TEKTIP1: variants seen among roughly 807,000 people sequenced by gnomAD.
The protein encoded by TEKTIP1 is tektin bundle-interacting protein 1.
chr19:3,541,184 AAATC>A, the TEKTIP1 span, among the ~76,000 whole-genome samples: 1 of 149,544 alleles, frequency 6.7e-6, no homozygotes, highest in East Asian at 2.0e-4. Context: ...AAAAAAAAAA[AAATC>A]AACCAGGCAT....
the TEKTIP1 span, chr19:3,541,749 A>G: frequency 5.1e-6 from 5 of 985,392 alleles, no homozygotes; most frequent in South Asian, 2.3e-4. Flanking sequence ...AGTGAGTGGC[A>G]GGTGGGTACG....
the TEKTIP1 span, among the ~76,000 whole-genome samples, chr19:3,540,317 G>A: frequency 4.0e-5 from 6 of 151,552 alleles, no homozygotes; most frequent in Non-Finnish European, 5.9e-5. Context: ...GAACGCAATG[G>A]TGCAATCTTG....
At chr19:3,543,242 T>C in the TEKTIP1 span, 2 of 1,544,346 alleles carry the variant, frequency 1.3e-6, no homozygotes, top group Non-Finnish European at 1.7e-6. Flanking sequence ...CAGCGATGAC[T>C]ACCTGTCCCT....
the TEKTIP1 span, chr19:3,543,664 C>G: frequency 8.4e-6 from 13 of 1,540,808 alleles, no homozygotes; most frequent in African/African-American, 2.7e-5. Context: ...ACAGGCCAAT[C>G]CGGGGCAAGG....
At chr19:3,539,591 G>A in the TEKTIP1 span, 2 of 322,820 alleles carry the variant, frequency 6.2e-6, no homozygotes, top group Non-Finnish European at 1.2e-5. Flanking sequence ...GGCTGAGAGA[G>A]TCTGTCCCAC....
chr19:3,542,469 G>A, the TEKTIP1 span: 1 of 985,164 alleles, frequency 1.0e-6, no homozygotes, highest in Non-Finnish European at 1.2e-6. Flanking sequence ...AAACATCTTT[G>A]AGTCTCTTGT....
chr19:3,539,576 T>C, the TEKTIP1 span: 5 of 351,924 alleles, frequency 1.4e-5, no homozygotes, highest in East Asian at 2.3e-4. Flanking sequence ...GCTGGGCCCT[T>C]CTGTGGCTGA....
the TEKTIP1 span, chr19:3,541,509 G>C: frequency 4.6e-6 from 1 of 217,486 alleles, no homozygotes; most frequent in Non-Finnish European, 7.8e-6. Context: ...TTTTAGTAGA[G>C]ACAGTGTTTC....
At chr19:3,542,758 C>G in the TEKTIP1 span, 2 of 1,352,794 alleles carry the variant, frequency 1.5e-6, no homozygotes, top group South Asian at 1.2e-5. Flanking sequence ...GCTGGGTTTA[C>G]AAGCGTGAGC....
chr19:3,543,796 G>C, the TEKTIP1 span: 1 of 1,499,602 alleles, frequency 6.7e-7, no homozygotes, highest in Non-Finnish European at 9.0e-7. Flanking sequence ...GCGAGGAGGT[G>C]GGGGCACATG....
At chr19:3,543,219 C>T in the TEKTIP1 span, 3 of 1,539,314 alleles carry the variant, frequency 1.9e-6, no homozygotes, top group Non-Finnish European at 1.7e-6. Flanking sequence ...AGTCTCTGCC[C>T]CCTGCCCACC....
the TEKTIP1 span, chr19:3,544,006 G>A: frequency 4.0e-5 from 62 of 1,537,592 alleles, no homozygotes; most frequent in Middle Eastern, 6.8e-4. Context: ...CCCACTCCCC[G>A]ATAAAGGCAT....
At chr19:3,543,248 TC>T in the TEKTIP1 span, 1 of 1,545,560 alleles carries the variant, frequency 6.5e-7, no homozygotes, top group Non-Finnish European at 8.7e-7. Context: ...TGACTACCTG[TC>T]CCTGGAGGGT....
At chr19:3,542,602 T>A in the TEKTIP1 span, 100 of 735,552 alleles carry the variant, frequency 1.4e-4, no homozygotes, top group African/African-American at 1.7e-3. Context: ...GCCTCCTGAG[T>A]AGCTGGGATT....
At chr19:3,539,897 C>G in the TEKTIP1 span, 9 of 152,168 alleles carry the variant, frequency 5.9e-5, no homozygotes, top group Admixed American at 5.9e-4. Context: ...TTATGGAATA[C>G]TATGCAGCCA....
At chr19:3,542,620 C>A in the TEKTIP1 span, 7 of 753,898 alleles carry the variant, frequency 9.3e-6, no homozygotes, top group Non-Finnish European at 1.1e-5. Context: ...ATTACAGGTG[C>A]CCCCCGCCCC....
At chr19:3,541,834 A>G in the TEKTIP1 span, 1 of 971,558 alleles carries the variant, frequency 1.0e-6, no homozygotes, top group Non-Finnish European at 1.2e-6. Context: ...GTTGAGACAG[A>G]GTCTCGCTCT....
At chr19:3,539,560 T>G in the TEKTIP1 span, 2 of 407,170 alleles carry the variant, frequency 4.9e-6, no homozygotes. Flanking sequence ...TCCAGGCCTG[T>G]GCGGGGCTGG....
chr19:3,542,499 A>T, the TEKTIP1 span: 3 of 973,726 alleles, frequency 3.1e-6, no homozygotes, highest in Non-Finnish European at 3.7e-6. Flanking sequence ...TTTGAGACAG[A>T]GTCTCACTCT....
Sources: allele counts gnomAD v4.1 joint callset (sites outside exome capture counted in the v4.1 genomes callset), GRCh38; gene constraint gnomAD v4.1.1; transcripts MANE v1.5; gene names NCBI Gene and HGNC (gene_info 2026-07-23, HGNC 2026-07-21).